DTWD2: variants seen among roughly 807,000 people sequenced by gnomAD.
The protein encoded by DTWD2 is DTW motif tRNA-uridine aminocarboxypropyltransferase 2, also known as tRNA-uridine aminocarboxypropyltransferase 2.
DTWD2 carries 39 observed loss-of-function variants against 31.8 expected under a neutral mutation model. The ratio of observed to expected loss-of-function variants is 1.22; its 90% CI spans 0.95 to 1.60. The LOEUF (loss-of-function observed/expected upper bound fraction) is 1.60, where lower values mean the gene tolerates loss of function less well. DTWD2 is among the 40% of genes most tolerant of loss of function. DTWD2 has a pLI of 0.00. For synonymous variants in DTWD2, 180 were observed against 142.8 expected, an observed-to-expected ratio of 1.26 and a Z score of -1.86; for missense variants, 515 against 381.5, an observed-to-expected ratio of 1.35 and a Z score of -2.92.
At chr5:118,939,328 T>C (rs773992145) in intron 2 of DTWD2, 38 bp from the exon 3 acceptor site, 1 of 1,496,022 alleles carries the variant, frequency 6.7e-7, no homozygotes, top group South Asian at 1.3e-5. Flanking sequence ...AGATTTTTAC[T>C]TAGATATACA....
chr5:118,851,900 A>T (rs918449439), intron 4 of DTWD2, among the ~76,000 whole-genome samples: 1 of 152,124 alleles, frequency 6.6e-6, no homozygotes, highest in Non-Finnish European at 1.5e-5. Flanking sequence ...TCTGACCTCA[A>T]ATTTACCAGG....
In DTWD2 at chr5:118,988,525, G is replaced by A. The variant is rs1231459701; in HGVS notation, c.-14C>T. On this transcript the variant is annotated 5_prime_UTR_variant, in exon 1 of 6. Coordinates refer to ENST00000510708, the MANE Select transcript of DTWD2 (RefSeq NM_173666.4). ...CTGCGACTCCATGGCGGACACTCCG[G>A]TCAGGCCGTGGCATTGAAGCCCGGC... 2 of 1,527,732 alleles carry A rather than the reference G, an allele frequency of 1.3e-6. No individual in the cohort carries two copies. Among genetic ancestry groups the A allele is most frequent in the Non-Finnish European group, 1.8e-6 (2 of 1,140,752 alleles). The allele number at this position is 1,527,732 out of a possible 1,614,324, so 94.6% of individuals were successfully genotyped here.
intron 1 of DTWD2, among the ~76,000 whole-genome samples, chr5:118,983,263 C>G (rs1755347907): frequency 6.6e-6 from 1 of 152,144 alleles, no homozygotes; most frequent in South Asian, 2.1e-4. Context: ...CGGGCACAGC[C>G]AATAATACTG....
intron 3 of DTWD2, among the ~76,000 whole-genome samples, chr5:118,932,167 CACA>C (rs768901252): frequency 6.6e-6 from 1 of 151,666 alleles, no homozygotes; most frequent in Non-Finnish European, 1.5e-5. Flanking sequence ...TCCTTAAAAA[CACA>C]ACAACAACAA....
At chr5:118,987,292 C>T (rs1414794698) in intron 1 of DTWD2, among the ~76,000 whole-genome samples, 3 of 152,182 alleles carry the variant, frequency 2.0e-5, no homozygotes, top group Admixed American at 2.0e-4. Context: ...TGAGCGTCAA[C>T]TATACATAGT....
At chr5:118,880,228 C>T (rs1363273206) in intron 4 of DTWD2, among the ~76,000 whole-genome samples, 1 of 152,154 alleles carries the variant, frequency 6.6e-6, no homozygotes, top group African/African-American at 2.4e-5. Flanking sequence ...CCACATTTTC[C>T]TCCACATTTT....
chr5:118,913,442 C>G (rs1472477532), intron 4 of DTWD2, among the ~76,000 whole-genome samples: 3 of 146,354 alleles, frequency 2.0e-5, no homozygotes, highest in Non-Finnish European at 1.5e-5. Flanking sequence ...TACACACACA[C>G]ACACACACGT....
intron 1 of DTWD2, among the ~76,000 whole-genome samples, chr5:118,956,090 A>G (rs1472030998): frequency 6.6e-6 from 1 of 152,164 alleles, no homozygotes; most frequent in Non-Finnish European, 1.5e-5. Context: ...TTTCCTTCCG[A>G]ACAAAACTGG....
intron 4 of DTWD2, among the ~76,000 whole-genome samples, chr5:118,878,993 T>C (rs1204938910): frequency 1.3e-5 from 2 of 152,134 alleles, no homozygotes; most frequent in South Asian, 4.2e-4. Flanking sequence ...AAATAACAGA[T>C]GCTAGCAAGG....
intron 4 of DTWD2, among the ~76,000 whole-genome samples, chr5:118,921,771 G>T (rs1370665289): frequency 6.6e-6 from 1 of 152,154 alleles, no homozygotes; most frequent in Non-Finnish European, 1.5e-5. Flanking sequence ...ATCTCAATGA[G>T]ACTGTGTTAA....
In DTWD2 at chr5:118,912,576, G is replaced by A. The variant is rs753415040; in HGVS notation, c.597+15961C>T. Among the ~76,000 whole-genome samples the A allele has an allele frequency of 7.8e-4, 119 of 152,208 alleles. 1 individual carries two copies. The highest frequency in any genetic ancestry group is 1.1e-3 in the Non-Finnish European group (72 of 68,014). On this transcript the variant is annotated intron_variant, in intron 4 of 5. Coordinates refer to ENST00000510708, the MANE Select transcript of DTWD2 (RefSeq NM_173666.4). ...TTTGCCCATATTGTTTTACTCTACT[G>A]GAATGTTTTCCTCAATTTTTTCATG...
intron 1 of DTWD2, among the ~76,000 whole-genome samples, chr5:118,954,083 AAACATAGC>A (rs1256176429): frequency 1.3e-5 from 2 of 152,182 alleles, no homozygotes; most frequent in Non-Finnish European, 2.9e-5. Context: ...TCAGCCTAGG[AAACATAGC>A]AAGACCTCAT....
At chr5:118,948,338 G>A (rs1198432803) in intron 1 of DTWD2, among the ~76,000 whole-genome samples, 5 of 152,124 alleles carry the variant, frequency 3.3e-5, no homozygotes, top group Middle Eastern at 3.4e-3. Flanking sequence ...AAAATTAGCC[G>A]GGCATGATGG....
intron 2 of DTWD2, among the ~76,000 whole-genome samples, chr5:118,940,928 G>A (rs1754164462): frequency 6.6e-6 from 1 of 152,104 alleles, no homozygotes; most frequent in African/African-American, 2.4e-5. Flanking sequence ...CAAAGGCCAA[G>A]TCCTTTAACA....
rs376254631 is a variant in DTWD2, at chr5:118,939,436, A to G, written c.310-146T>C. 506 of 651,226 alleles carry G rather than the reference A, an allele frequency of 7.8e-4. 4 individuals carry two copies. The Middle Eastern group carries it at 8.6e-3, about 11-fold the overall frequency. 40.3% of individuals were successfully genotyped at this position (651,226 alleles called of 1,614,324 possible). On this transcript the variant is annotated intron_variant, in intron 2 of 5. Coordinates refer to ENST00000510708, the MANE Select transcript of DTWD2 (RefSeq NM_173666.4). ...GACCACAGTTTAATAAAAAGAGGTAAAATTTCTCTGATTTATCAGTATTAA... is the reference window on the plus strand; with the variant it reads ...GACCACAGTTTAATAAAAAGAGGTAGAATTTCTCTGATTTATCAGTATTAA...
chr5:118,975,235 T>G (rs993353741), intron 1 of DTWD2, among the ~76,000 whole-genome samples: 2 of 152,204 alleles, frequency 1.3e-5, no homozygotes, highest in African/African-American at 4.8e-5. Flanking sequence ...TTTCATTCTT[T>G]TTTCTGTAAT....
rs558411862 is a variant in DTWD2, at chr5:118,935,036, G to A, written c.404+4160C>T. On this transcript the variant is annotated intron_variant, in intron 3 of 5. Coordinates refer to ENST00000510708, the MANE Select transcript of DTWD2 (RefSeq NM_173666.4). ...GGGATTAGTCACTGGAAAGACTAAG[G>A]GGAAGGAGAGAGGCTAAAGGTCAAG... Among the ~76,000 whole-genome samples the A allele has an allele frequency of 1.5e-3, 233 of 152,220 alleles. 2 individuals carry two copies. The highest frequency in any genetic ancestry group is 5.4e-3 in the African/African-American group (224 of 41,524).
chr5:118,843,902 A>G (rs1339293722), intron 5 of DTWD2, among the ~76,000 whole-genome samples: 1 of 152,198 alleles, frequency 6.6e-6, no homozygotes, highest in African/African-American at 2.4e-5. Context: ...ACAGCCATAT[A>G]ACTTGCTTTG....
chr5:118,941,606 CT>C (rs1348118006), intron 2 of DTWD2, among the ~76,000 whole-genome samples: 7 of 152,148 alleles, frequency 4.6e-5, no homozygotes, highest in Non-Finnish European at 1.0e-4. Flanking sequence ...GGTTCCAAGT[CT>C]TTGCTATTGT....
Sources: gnomAD v4.1 joint callset for allele counts (sites outside exome capture counted in the v4.1 genomes callset) on GRCh38, gnomAD v4.1.1 for gene constraint, MANE v1.5 for transcripts, NCBI Gene and HGNC (gene_info 2026-07-23, HGNC 2026-07-21) for gene names.